The following EPB41L2 variants were observed in gnomAD, a reference collection of about 807,000 sequenced individuals.
The protein encoded by EPB41L2 is erythrocyte membrane protein band 4.1 like 2.
In EPB41L2, 43 loss-of-function variants were observed where a neutral mutation model predicts 113.0. That is an observed-to-expected ratio of 0.38 (90% confidence interval 0.30 to 0.49). The LOEUF is 0.49. EPB41L2 is among the 20% of genes least tolerant of loss of function. The pLI, the probability that EPB41L2 is intolerant of heterozygous loss-of-function variation, is 0.95. For missense variants in EPB41L2, 1,147 were observed against 1,223.4 expected, an observed-to-expected ratio of 0.94 and a Z score of 0.93; for synonymous variants, 442 against 436.7, an observed-to-expected ratio of 1.01 and a Z score of -0.15.
At chr6:130,896,636 C>T (rs1316357151) in intron 8 of EPB41L2, among the ~76,000 whole-genome samples, 2 of 152,138 alleles carry the variant, frequency 1.3e-5, no homozygotes, top group African/African-American at 2.4e-5. Context: ...TTTTGTTGTT[C>T]TATGTAATTA....
chr6:131,062,772 G>C (rs1326935743), intron 1 of EPB41L2, among the ~76,000 whole-genome samples: 1 of 151,894 alleles, frequency 6.6e-6, no homozygotes, highest in Non-Finnish European at 1.5e-5. Context: ...CGGCACCCCG[G>C]GGGGGACGGC....
At chr6:130,917,240 C>T (rs752359158) in intron 4 of EPB41L2, among the ~76,000 whole-genome samples, 14 of 152,154 alleles carry the variant, frequency 9.2e-5, no homozygotes, top group Non-Finnish European at 1.9e-4. Context: ...TCATAAAATC[C>T]ATCTTCTAGT....
intron 4 of EPB41L2, among the ~76,000 whole-genome samples, chr6:130,911,377 G>T (rs777043084): frequency 2.6e-5 from 4 of 152,154 alleles, no homozygotes; most frequent in Non-Finnish European, 4.4e-5. Context: ...TGGGGTGTGG[G>T]GGGCTAGGGG....
At chr6:130,876,573 T>C in intron 14 of EPB41L2, 2 of 617,650 alleles carry the variant, frequency 3.2e-6, no homozygotes, top group South Asian at 2.4e-5. Context: ...CAAAAAAATT[T>C]TAGTATGACA....
At chr6:130,939,644 G>A (rs9492762) in intron 3 of EPB41L2, among the ~76,000 whole-genome samples, 58 of 152,044 alleles carry the variant, frequency 3.8e-4, no homozygotes, top group Non-Finnish European at 3.8e-4. Flanking sequence ...AAAATAAAAC[G>A]GATTATCTAG....
At chr6:131,049,476 C>A (rs577247610) in intron 1 of EPB41L2, among the ~76,000 whole-genome samples, 4 of 152,244 alleles carry the variant, frequency 2.6e-5, no homozygotes, top group African/African-American at 9.6e-5. Context: ...AGAAAATTTT[C>A]CAAAGAAGAT....
chr6:130,842,973 CTTAT>C (rs1379155231), intron 19 of EPB41L2, among the ~76,000 whole-genome samples: 1 of 151,906 alleles, frequency 6.6e-6, no homozygotes, highest in African/African-American at 2.4e-5. Context: ...AATGTTAAAA[CTTAT>C]TTATTTTCTC....
intron 1 of EPB41L2, among the ~76,000 whole-genome samples, chr6:131,012,330 A>G (rs1787219829): frequency 6.6e-6 from 1 of 150,476 alleles, no homozygotes; most frequent in Admixed American, 6.7e-5. Flanking sequence ...AGGGTTTCTC[A>G]ACCTCCGCAC....
At chr6:130,860,334 C>A (rs982436177) in intron 18 of EPB41L2, among the ~76,000 whole-genome samples, 1 of 152,214 alleles carries the variant, frequency 6.6e-6, no homozygotes, top group Non-Finnish European at 1.5e-5. Context: ...ATATGAAATA[C>A]ACTCTAATTC....
chr6:130,894,911 T>C (rs1327263077), intron 9 of EPB41L2, 56 bp downstream of exon 9: 2 of 1,484,976 alleles, frequency 1.3e-6, no homozygotes, highest in Admixed American at 2.3e-5. Flanking sequence ...AATTTTTAAA[T>C]TCATGGTCGT....
chr6:130,915,138 C>G lies in EPB41L2; in HGVS notation c.811-6275G>C, dbSNP rs555349817. 1.1e-3 allele frequency among the ~76,000 whole-genome samples: 162 copies of G among 151,932 alleles called. 4 individuals are homozygous for G. The South Asian group carries it at 0.033, about 31-fold the overall frequency. On this transcript the variant is annotated intron_variant, in intron 4 of 19. Coordinates refer to ENST00000337057, the MANE Select transcript of EPB41L2 (RefSeq NM_001431.4). ...CTAAAACGGTGAAACCCCGTCTCTACTAAAAATACAAAAAATTAGCCGGGC... is the reference window on the plus strand; with the variant it reads ...CTAAAACGGTGAAACCCCGTCTCTAGTAAAAATACAAAAAATTAGCCGGGC...
At chr6:130,991,837 T>A (rs1369293738) in intron 1 of EPB41L2, among the ~76,000 whole-genome samples, 1 of 152,090 alleles carries the variant, frequency 6.6e-6, no homozygotes, top group African/African-American at 2.4e-5. Flanking sequence ...AAGAAAAATA[T>A]AAAAAAATAT....
At chr6:130,991,268 G>A (rs1459322104) in intron 1 of EPB41L2, among the ~76,000 whole-genome samples, 1 of 152,112 alleles carries the variant, frequency 6.6e-6, no homozygotes, top group African/African-American at 2.4e-5. Context: ...TACCCCCACA[G>A]CTATGTCCTC....
At chr6:130,938,711 T>C (rs1262337715) in intron 3 of EPB41L2, among the ~76,000 whole-genome samples, 1 of 152,160 alleles carries the variant, frequency 6.6e-6, no homozygotes, top group African/African-American at 2.4e-5. Context: ...TTGGCTTCAA[T>C]AGTGAAATTC....
At chr6:131,031,056 C>T (rs2128750605) in intron 1 of EPB41L2, among the ~76,000 whole-genome samples, 1 of 152,022 alleles carries the variant, frequency 6.6e-6, no homozygotes, top group South Asian at 2.1e-4. Flanking sequence ...GGTGCCACTG[C>T]ACTCCAGTCT....
intron 19 of EPB41L2, among the ~76,000 whole-genome samples, chr6:130,842,414 T>TTA (rs1775800713): frequency 6.6e-6 from 1 of 152,184 alleles, no homozygotes; most frequent in Admixed American, 6.5e-5. Flanking sequence ...GATTTGGCAG[T>TTA]TATATGACAC....
At chr6:130,938,703 G>C (rs905572302) in intron 3 of EPB41L2, among the ~76,000 whole-genome samples, 5 of 151,866 alleles carry the variant, frequency 3.3e-5, no homozygotes, top group African/African-American at 4.8e-5. Context: ...TACTTCTCTT[G>C]GCTTCAATAG....
intron 19 of EPB41L2, among the ~76,000 whole-genome samples, chr6:130,848,442 C>A (rs1056217497): frequency 6.6e-6 from 1 of 151,742 alleles, no homozygotes; most frequent in Non-Finnish European, 1.5e-5. Context: ...TTATTAAACC[C>A]AATATATCCA....
intron 1 of EPB41L2, among the ~76,000 whole-genome samples, chr6:131,032,905 G>A (rs1483338284): frequency 6.6e-6 from 1 of 152,130 alleles, no homozygotes; most frequent in Admixed American, 6.5e-5. Context: ...CCAGCACTCT[G>A]GGAAATCCCA....
Sources: allele counts gnomAD v4.1 joint callset (sites outside exome capture counted in the v4.1 genomes callset), GRCh38; gene constraint gnomAD v4.1.1; transcripts MANE v1.5; gene names NCBI Gene and HGNC (gene_info 2026-07-23, HGNC 2026-07-21).